DNM3: variants seen among roughly 807,000 people sequenced by gnomAD.
DNM3 encodes dynamin 3, also known as dynamin-3.
In DNM3, 47 loss-of-function variants were observed where a neutral mutation model predicts 101.6. That is an observed-to-expected ratio of 0.46 (90% confidence interval 0.37 to 0.59). The LOEUF is 0.59. Ranked by LOEUF, DNM3 falls within the 20% of genes least tolerant of loss-of-function variation. The pLI, the probability that DNM3 is intolerant of heterozygous loss-of-function variation, is 0.00. For synonymous variants in DNM3, 385 were observed against 387.9 expected (o/e 0.99, Z 0.09); for missense variants, 849 against 1,085.7 (o/e 0.78, Z 3.06).
intron 13 of DNM3, among the ~76,000 whole-genome samples, chr1:172,096,819 AT>A (rs2147849568): frequency 6.6e-6 from 1 of 152,328 alleles, no homozygotes; most frequent in Admixed American, 6.5e-5. Flanking sequence ...AACTCAACTG[AT>A]TTTTATATTA....
chr1:172,335,140 C>T (rs1331827309), intron 17 of DNM3, among the ~76,000 whole-genome samples: 2 of 151,928 alleles, frequency 1.3e-5, no homozygotes, highest in African/African-American at 4.8e-5. Context: ...CTTTTTTGAC[C>T]AGGGTATGCA....
At chr1:172,058,333 C>G (rs935059398) in intron 10 of DNM3, among the ~76,000 whole-genome samples, 1 of 151,392 alleles carries the variant, frequency 6.6e-6, no homozygotes, top group Non-Finnish European at 1.5e-5. Context: ...CTCAGCTCTG[C>G]ACCAAGTGGA....
intron 17 of DNM3, among the ~76,000 whole-genome samples, chr1:172,334,679 C>A (rs2066339881): frequency 6.6e-6 from 1 of 152,150 alleles, no homozygotes; most frequent in Non-Finnish European, 1.5e-5. Context: ...CATGTTTCAG[C>A]AGTAACTGCT....
chr1:172,292,420 A>G (rs968004938), intron 15 of DNM3, among the ~76,000 whole-genome samples: 1 of 152,192 alleles, frequency 6.6e-6, no homozygotes, highest in African/African-American at 2.4e-5. Context: ...AGTTCCACCA[A>G]TATCTTTTCT....
chr1:172,096,914 A>G (rs1273924948), intron 13 of DNM3, among the ~76,000 whole-genome samples: 1 of 152,212 alleles, frequency 6.6e-6, no homozygotes, highest in Admixed American at 6.5e-5. Flanking sequence ...TATTCAGGTG[A>G]GAGAAACATT....
At chr1:172,370,137 G>T (rs907040422) in intron 17 of DNM3, 1 of 151,828 alleles carries the variant, frequency 6.6e-6, no homozygotes, top group Admixed American at 6.6e-5. Context: ...CATAATGCCT[G>T]TCAAAATAAT....
At chr1:171,900,669 G>C (rs1226298894) in intron 1 of DNM3, among the ~76,000 whole-genome samples, 1 of 152,118 alleles carries the variant, frequency 6.6e-6, no homozygotes, top group Non-Finnish European at 1.5e-5. Context: ...CTTGTCTGTG[G>C]AGGAAGGAGT....
Position 172,264,578 on chromosome 1 carries a change from T to G in DNM3, c.1769+10896T>G, listed in dbSNP as rs574668432. ...GATTTTCTAAATGCCTCCATTACTTTGTAATTTTTATCCCTGTCCTCCACA... is the reference window on the plus strand; with the variant it reads ...GATTTTCTAAATGCCTCCATTACTTGGTAATTTTTATCCCTGTCCTCCACA... On this transcript the variant is annotated intron_variant, in intron 15 of 20. Coordinates refer to ENST00000627582, the MANE Select transcript of DNM3 (RefSeq NM_015569.5). 4.5e-3 allele frequency among the ~76,000 whole-genome samples: 687 copies of G among 152,314 alleles called. 3 individuals carry two copies. Among genetic ancestry groups the G allele is most frequent in the African/African-American group, 0.016 (649 of 41,572 alleles).
intron 1 of DNM3, among the ~76,000 whole-genome samples, chr1:171,878,370 A>G (rs2125114386): frequency 7.2e-6 from 1 of 138,264 alleles, no homozygotes; most frequent in South Asian, 2.3e-4. Flanking sequence ...AAAATATTAA[A>G]ATTCCTTTCT....
chr1:172,218,537 C>T (rs946139243), intron 14 of DNM3, among the ~76,000 whole-genome samples: 5 of 151,710 alleles, frequency 3.3e-5, no homozygotes, highest in Non-Finnish European at 5.9e-5. Context: ...AATATTTATC[C>T]CACTTAAGTG....
intron 15 of DNM3, among the ~76,000 whole-genome samples, chr1:172,303,493 G>A (rs1196289022): frequency 6.6e-6 from 1 of 152,164 alleles, no homozygotes; most frequent in Admixed American, 6.5e-5. Flanking sequence ...AACCTAGCAA[G>A]GGAGGCCAAC....
intron 2 of DNM3, among the ~76,000 whole-genome samples, chr1:171,932,062 C>T (rs1277700215): frequency 9.2e-6 from 1 of 108,628 alleles, no homozygotes; most frequent in Non-Finnish European, 1.9e-5. Context: ...CACCCTCCCT[C>T]CATTCCTCCC....
chr1:172,356,551 T>A (rs1023714779), intron 17 of DNM3, among the ~76,000 whole-genome samples: 6 of 151,414 alleles, frequency 4.0e-5, no homozygotes, highest in African/African-American at 7.3e-5. Flanking sequence ...TCCTCAGAAT[T>A]TTTTTTTTAA....
At chr1:172,020,102 G>T (rs550001036) in intron 4 of DNM3, among the ~76,000 whole-genome samples, 1 of 152,094 alleles carries the variant, frequency 6.6e-6, no homozygotes, top group Non-Finnish European at 1.5e-5. Flanking sequence ...AGGCATTGTG[G>T]TTACTAAGCT....
intron 17 of DNM3, among the ~76,000 whole-genome samples, chr1:172,378,454 C>A (rs145601617): frequency 5.3e-5 from 8 of 152,044 alleles, no homozygotes; most frequent in African/African-American, 1.4e-4. Context: ...CATGAATTTA[C>A]GTAACAAATT....
At chr1:172,367,472 TATC>T (rs1573624200) in intron 17 of DNM3, among the ~76,000 whole-genome samples, 1 of 151,898 alleles carries the variant, frequency 6.6e-6, no homozygotes, top group East Asian at 1.9e-4. Flanking sequence ...AATTTAATCT[TATC>T]ATGTCAGAAC....
At chr1:172,145,142 C>G (rs778726262) in intron 14 of DNM3, among the ~76,000 whole-genome samples, 30 of 152,074 alleles carry the variant, frequency 2.0e-4, no homozygotes, top group Admixed American at 7.2e-4. Context: ...AATTTACTGT[C>G]TGACCCAGGC....
intron 1 of DNM3, among the ~76,000 whole-genome samples, chr1:171,862,653 G>A (rs1434920894): frequency 1.3e-5 from 2 of 152,140 alleles, no homozygotes; most frequent in Admixed American, 6.6e-5. Flanking sequence ...GAATTAAATA[G>A]AGATGGTGTT....
chr1:172,406,394 C>G (rs573882779), intron 20 of DNM3, among the ~76,000 whole-genome samples: 4 of 151,982 alleles, frequency 2.6e-5, no homozygotes, highest in Non-Finnish European at 4.4e-5. Context: ...ATTCAAGATT[C>G]AGGACATAAG....
Sources: gnomAD v4.1 joint callset for allele counts (sites outside exome capture counted in the v4.1 genomes callset) on GRCh38, gnomAD v4.1.1 for gene constraint, MANE v1.5 for transcripts, NCBI Gene and HGNC (gene_info 2026-07-23, HGNC 2026-07-21) for gene names.